SLAIN2: variants seen among roughly 807,000 people sequenced by gnomAD.
SLAIN2 encodes SLAIN family member 2, also known as SLAIN motif-containing protein 2.
SLAIN2 carries 31 observed loss-of-function variants against 56.6 expected under a neutral mutation model. The ratio of observed to expected loss-of-function variants is 0.55; its 90% CI spans 0.41 to 0.74. The LOEUF is 0.74. Among genes scored for constraint, SLAIN2 ranks in the 30% least tolerant of loss-of-function variants. The pLI is 0.00. For missense variants in SLAIN2, 777 were observed against 754.2 expected (o/e 1.03, Z -0.35); for synonymous variants, 317 against 284.9 (o/e 1.11, Z -1.13).
intron 6 of SLAIN2, among the ~76,000 whole-genome samples, chr4:48,405,601 T>G (rs1316856933): frequency 6.6e-6 from 1 of 152,146 alleles, no homozygotes; most frequent in African/African-American, 2.4e-5. Context: ...TGCTATTTTT[T>G]GCAAAACTAT....
intron 6 of SLAIN2, 106 bp from the exon 7 acceptor site, chr4:48,420,019 C>T: frequency 4.4e-6 from 5 of 1,131,502 alleles, no homozygotes; most frequent in Non-Finnish European, 6.3e-6. Flanking sequence ...GTGAAGTTTC[C>T]TGAATACACA....
chr4:48,422,104 C>T lies in SLAIN2; in HGVS notation c.*27C>T. Reference sequence around the variant, plus strand: ...CAGCAAAGACAAGAATGCAGAAGTCCACGGCTTCATGGATACCCTTCACCA... The same window carrying T: ...CAGCAAAGACAAGAATGCAGAAGTCTACGGCTTCATGGATACCCTTCACCA... On this transcript the variant is annotated 3_prime_UTR_variant, in exon 8 of 8. Transcript: ENST00000264313. The T allele has an allele frequency of 6.3e-7, 1 of 1,590,472 alleles. No homozygotes were observed. Among genetic ancestry groups the T allele is most frequent in the Non-Finnish European group, 8.6e-7 (1 of 1,164,104 alleles).
In SLAIN2 at chr4:48,382,666, G is replaced by A; in HGVS notation, c.961G>A (p.Ala321Thr). Residue 321 changes from alanine (A) to threonine (T), a missense_variant, in exon 5 of 8, where the codon GCA (alanine) becomes ACA (threonine). Coordinates refer to ENST00000264313, the MANE Select transcript of SLAIN2 (RefSeq NM_020846.2). ...RGTFSDQELD[A>T]QSLDDEDDNM... ...TACTTTTAGTGATCAGGAACTTGAT[G>A]CACAAAGTTTAGATGATGAAGATGA... 6.2e-7 allele frequency: 1 copy of A among 1,613,810 alleles called. No individual in the cohort carries two copies. The highest frequency in any genetic ancestry group is 1.6e-4 in the Middle Eastern group (1 of 6,062).
intron 1 of SLAIN2, among the ~76,000 whole-genome samples, chr4:48,353,164 T>C (rs988539710): frequency 1.3e-5 from 2 of 152,134 alleles, no homozygotes; most frequent in Admixed American, 1.3e-4. Context: ...AACCAACTAA[T>C]ACTGTGTGGT....
Position 48,383,640 on chromosome 4 carries a change from GT to G in SLAIN2, c.1223-5del. 2 of 1,511,726 alleles carry G rather than the reference GT, an allele frequency of 1.3e-6. No individual in the cohort carries two copies. Among genetic ancestry groups the G allele is most frequent in the Non-Finnish European group, 1.8e-6 (2 of 1,121,806 alleles). The allele number at this position is 1,511,726 out of a possible 1,614,324, so 93.6% of individuals were successfully genotyped here. On this transcript the variant is annotated splice_region_variant and splice_polypyrimidine_tract_variant and intron_variant, in intron 5 of 7. Transcript: ENST00000264313. ...ATGATTTTTTTAAAATTAAAATTCT[GT>G]TGCAGAAAAACTAAGACGCAGTCTT...
intron 6 of SLAIN2, among the ~76,000 whole-genome samples, chr4:48,402,676 T>C (rs1187839770): frequency 1.3e-5 from 2 of 152,188 alleles, no homozygotes; most frequent in Non-Finnish European, 2.9e-5. Flanking sequence ...TCATGATTCT[T>C]AGCTTCTTTG....
intron 1 of SLAIN2, among the ~76,000 whole-genome samples, chr4:48,363,819 G>A (rs1204132162): frequency 4.3e-5 from 6 of 138,530 alleles, no homozygotes; most frequent in Non-Finnish European, 8.0e-5. Context: ...TCTCCCTCCC[G>A]GACGGGGTGG....
chr4:48,376,291 T>C (rs1156444595), intron 2 of SLAIN2, among the ~76,000 whole-genome samples: 2 of 151,990 alleles, frequency 1.3e-5, no homozygotes, highest in African/African-American at 4.8e-5. Context: ...TTGTCTCTAC[T>C]AAAAATACAA....
At chr4:48,364,463 C>G (rs978983835) in intron 1 of SLAIN2, among the ~76,000 whole-genome samples, 1 of 53,544 alleles carries the variant, frequency 1.9e-5, no homozygotes, top group African/African-American at 6.2e-5. Context: ...TCCTCACTTC[C>G]CAGACGGGGT....
intron 2 of SLAIN2, among the ~76,000 whole-genome samples, chr4:48,370,521 T>G (rs1236897660): frequency 6.6e-6 from 1 of 152,256 alleles, no homozygotes; most frequent in African/African-American, 2.4e-5. Flanking sequence ...CCTAGCATGT[T>G]TTCTGGCTAA....
At chr4:48,401,978 C>T (rs1005965512) in intron 6 of SLAIN2, among the ~76,000 whole-genome samples, 3 of 152,184 alleles carry the variant, frequency 2.0e-5, no homozygotes, top group Non-Finnish European at 2.9e-5. Context: ...GATGAATTCC[C>T]TCAGCATTTG....
At chr4:48,344,688 CTCT>C (rs1333158990) in intron 1 of SLAIN2, among the ~76,000 whole-genome samples, 6 of 151,934 alleles carry the variant, frequency 3.9e-5, no homozygotes, top group African/African-American at 1.5e-4. Flanking sequence ...CACTTTCATA[CTCT>C]TCTTTTTTTT....
intron 1 of SLAIN2, among the ~76,000 whole-genome samples, chr4:48,368,723 T>G (rs1577717724): frequency 1.3e-5 from 2 of 152,350 alleles, no homozygotes; most frequent in African/African-American, 4.8e-5. Flanking sequence ...AATTGAGATT[T>G]TATTTCACTA....
chr4:48,353,512 A>ATAG (rs1715074726), intron 1 of SLAIN2, among the ~76,000 whole-genome samples: 2 of 152,170 alleles, frequency 1.3e-5, no homozygotes, highest in South Asian at 4.1e-4. Context: ...GAAAATAACT[A>ATAG]TGAACAAAGA....
chr4:48,386,683 C>A (rs140415206), intron 6 of SLAIN2, among the ~76,000 whole-genome samples: 1 of 152,212 alleles, frequency 6.6e-6, no homozygotes, highest in African/African-American at 2.4e-5. Context: ...ATAATACTCA[C>A]TGTAGTACTA....
intron 1 of SLAIN2, among the ~76,000 whole-genome samples, chr4:48,362,141 GT>G (rs947835485): frequency 5.8e-4 from 84 of 144,874 alleles, no homozygotes; most frequent in East Asian, 1.0e-3. Flanking sequence ...GATGCCTTTA[GT>G]TTTTTTTTTT....
intron 6 of SLAIN2, among the ~76,000 whole-genome samples, chr4:48,401,048 A>G (rs1047332227): frequency 1.3e-5 from 2 of 152,140 alleles, no homozygotes; most frequent in Non-Finnish European, 2.9e-5. Flanking sequence ...TTCATTATTT[A>G]CCCAAGAGTC....
At position 48,369,921 on chromosome 4, in the gene SLAIN2, A is replaced by G. The variant is rs756529969; in HGVS notation, c.462A>G (p.Gln154=). ...TTAGTCCATTAGTTTGGTGCAGGCA[A>G]GTTTTGGATTACCCAAGTCCTGATG... ...KSVSPLVWCR[Q]VLDYPSPDVE... is the part of the protein sequence containing the mutation. Residue 154 remains glutamine, a synonymous_variant, in exon 2 of 8, where the codon CAA becomes CAG. Coordinates refer to ENST00000264313, the MANE Select transcript of SLAIN2 (RefSeq NM_020846.2). 1 of 1,613,790 alleles carries G rather than the reference A, an allele frequency of 6.2e-7. No individual in the cohort carries two copies.
chr4:48,357,386 T>TC (rs1213368313), intron 1 of SLAIN2, among the ~76,000 whole-genome samples: 1 of 149,922 alleles, frequency 6.7e-6, no homozygotes, highest in African/African-American at 2.4e-5. Flanking sequence ...TTTTTTTTTT[T>TC]CCTCCTGTTT....
Sources: allele counts gnomAD v4.1 joint callset (sites outside exome capture counted in the v4.1 genomes callset), GRCh38; gene constraint gnomAD v4.1.1; transcripts MANE v1.5; gene names NCBI Gene and HGNC (gene_info 2026-07-23, HGNC 2026-07-21).